Variants in KLF8 observed in about 807,000 individuals in gnomAD.
The protein encoded by KLF8 is KLF transcription factor 8.
KLF8 carries 10 observed loss-of-function variants against 18.2 expected under a neutral mutation model. The ratio of observed to expected loss-of-function variants is 0.55; its 90% CI spans 0.34 to 0.93. KLF8 has a LOEUF of 0.93. Ranked by LOEUF, KLF8 falls within the 40% of genes least tolerant of loss-of-function variation. KLF8 has a pLI of 0.02. For missense variants in KLF8, 264 were observed against 277.9 expected, an observed-to-expected ratio of 0.95 and a Z score of 0.36; for synonymous variants, 109 against 97.3, an observed-to-expected ratio of 1.12 and a Z score of -0.71.
the KLF8 span, among the ~76,000 whole-genome samples, chrX:55,930,744 G>A: frequency 1.4e-3 from 151 of 111,660 alleles, no homozygotes; most frequent in Middle Eastern, 9.2e-3. Flanking sequence ...CAGCTTGATC[G>A]TGGTGGATAA....
At chrX:56,051,083 A>T in the KLF8 span, among the ~76,000 whole-genome samples, 1 of 110,122 alleles carries the variant, frequency 9.1e-6, no homozygotes, top group Admixed American at 9.7e-5. Context: ...AGAGACTAGG[A>T]TTGCAACCCC....
At chrX:56,201,090 T>A in the KLF8 span, among the ~76,000 whole-genome samples, 1 of 111,840 alleles carries the variant, frequency 8.9e-6, no homozygotes, top group Non-Finnish European at 1.9e-5. Context: ...ACCATATGAT[T>A]TAGCAATCCC....
chrX:56,076,971 C>A, the KLF8 span, among the ~76,000 whole-genome samples: 1 of 111,596 alleles, frequency 9.0e-6, no homozygotes, highest in Admixed American at 9.5e-5. Context: ...GTCCTTTGCC[C>A]ACTTTTTGAC....
At chrX:55,979,154 T>C in the KLF8 span, among the ~76,000 whole-genome samples, 2 of 111,935 alleles carry the variant, frequency 1.8e-5, no homozygotes, top group Admixed American at 1.9e-4. Flanking sequence ...GCAGTTTCAG[T>C]TCTCATGGTC....
chrX:56,119,595 T>A, the KLF8 span, among the ~76,000 whole-genome samples: 1 of 109,667 alleles, frequency 9.1e-6, no homozygotes, highest in Non-Finnish European at 1.9e-5. Context: ...AGAGACGAGG[T>A]TTCACCATAT....
chrX:55,961,696 C>T, the KLF8 span: 2 of 398,963 alleles, frequency 5.0e-6, no homozygotes, highest in Non-Finnish European at 9.5e-6. Flanking sequence ...ATCACACACC[C>T]ATCTTCAGGG....
chrX:55,956,124 T>A, the KLF8 span, among the ~76,000 whole-genome samples: 1 of 75,224 alleles, frequency 1.3e-5, no homozygotes, highest in Non-Finnish European at 2.4e-5. Context: ...TAAATATCTA[T>A]CTATTTATCT....
the KLF8 span, among the ~76,000 whole-genome samples, chrX:56,186,288 C>T: frequency 3.6e-5 from 4 of 111,456 alleles, no homozygotes; most frequent in African/African-American, 9.8e-5. Flanking sequence ...AAGGCCATTA[C>T]ATAATGGTAA....
chrX:56,001,218 G>T, the KLF8 span, among the ~76,000 whole-genome samples: 1 of 112,082 alleles, frequency 8.9e-6, no homozygotes, highest in Non-Finnish European at 1.9e-5. Flanking sequence ...TTTTCTTGTT[G>T]CTTCTCTGCA....
chrX:56,157,461 C>G, the KLF8 span, among the ~76,000 whole-genome samples: 1 of 110,901 alleles, frequency 9.0e-6, no homozygotes, highest in Admixed American at 9.6e-5. Context: ...TGAGGAATCG[C>G]CACACTGACT....
the KLF8 span, among the ~76,000 whole-genome samples, chrX:55,991,650 A>T: frequency 8.9e-6 from 1 of 111,735 alleles, no homozygotes; most frequent in African/African-American, 3.3e-5. Context: ...GGCTCCACTG[A>T]TCTGTTTTAA....
the KLF8 span, among the ~76,000 whole-genome samples, chrX:56,011,912 G>A: frequency 9.0e-6 from 1 of 111,537 alleles, no homozygotes; most frequent in African/African-American, 3.3e-5. Flanking sequence ...ACAGGAAGAA[G>A]TTGAATCCCT....
the KLF8 span, among the ~76,000 whole-genome samples, chrX:55,988,900 C>T: frequency 2.7e-5 from 3 of 111,214 alleles, no homozygotes; most frequent in Non-Finnish European, 5.7e-5. Context: ...TGTAGTTCTC[C>T]TTGAAGAGGT....
rs1332061976 is a variant in KLF8 at position 56,236,985 on chromosome X, G to A, written c.7+3644G>A. On this transcript the variant is annotated intron_variant, in intron 1 of 5. Transcript: ENST00000468660. ...TGGATATATATATATATATATATAT[G>A]GTTCAGTATCTTCTGATTATTCAAA... 3.2e-5 allele frequency among the ~76,000 whole-genome samples: 3 copies of A among 92,403 alleles called. No homozygotes were observed. The South Asian group carries it at 1.4e-3, about 42-fold the overall frequency. 80.2% of individuals were successfully genotyped at this position (92,403 alleles called of 115,157 possible).
the KLF8 span, among the ~76,000 whole-genome samples, chrX:56,215,719 A>ATCC: frequency 9.6e-6 from 1 of 103,714 alleles, no homozygotes; most frequent in Non-Finnish European, 1.9e-5. Flanking sequence ...GCTACTCAGG[A>ATCC]GGCTGAGGCA....
the KLF8 span, among the ~76,000 whole-genome samples, chrX:56,170,807 G>T: frequency 4.5e-5 from 5 of 111,399 alleles, no homozygotes; most frequent in South Asian, 1.5e-3. Flanking sequence ...ACTAGAAAAA[G>T]ATATCAGTAT....
the KLF8 span, among the ~76,000 whole-genome samples, chrX:56,049,535 T>A: frequency 9.3e-5 from 10 of 107,955 alleles, no homozygotes; most frequent in Non-Finnish European, 1.5e-4. Context: ...CATGTGGTTT[T>A]TGTCTTTGGC....
the KLF8 span, among the ~76,000 whole-genome samples, chrX:56,122,630 G>A: frequency 9.0e-6 from 1 of 110,732 alleles, no homozygotes; most frequent in Non-Finnish European, 1.9e-5. Context: ...AAAAATTGAG[G>A]TTTATTATTG....
chrX:56,268,326 G>A (rs2066997752), intron 3 of KLF8: 1 of 111,468 alleles, frequency 9.0e-6, no homozygotes, highest in South Asian at 3.8e-4. Flanking sequence ...ACCCAGAAGG[G>A]AGATTGCCAG....
Sources: allele counts gnomAD v4.1 joint callset (sites outside exome capture counted in the v4.1 genomes callset), GRCh38; gene constraint gnomAD v4.1.1; transcripts MANE v1.5; gene names NCBI Gene and HGNC (gene_info 2026-07-23, HGNC 2026-07-21).